TMEM132D: variants seen among roughly 807,000 people sequenced by gnomAD.
TMEM132D encodes transmembrane protein 132D, also known as mature OL transmembrane protein.
Under a neutral mutation model 62.3 loss-of-function variants are expected in TMEM132D, and 21 were observed. That is an observed-to-expected ratio of 0.34 (90% CI 0.24 to 0.49). TMEM132D has a LOEUF of 0.49. TMEM132D is among the 20% of genes least tolerant of loss of function. The pLI is 0.99. For missense variants in TMEM132D, 1,346 were observed against 1,402.8 expected (o/e 0.96, Z 0.65); for synonymous variants, 621 against 575.6 (o/e 1.08, Z -1.13).
Position 129,644,791 on chromosome 12 carries a change from A to G in TMEM132D, c.968+55019T>C, listed in dbSNP as rs189357336. 2.1e-3 allele frequency among the ~76,000 whole-genome samples: 320 copies of G among 150,660 alleles called. 3 individuals are homozygous for G. The highest frequency in any genetic ancestry group is 7.5e-3 in the African/African-American group (309 of 41,026). On this transcript the variant is annotated intron_variant, in intron 2 of 8. Transcript: ENST00000422113. ...CAGGAGATCACGACCATCCTGGCTAACATGGTGAAACCCCATCTCTACTAA... is the reference window on the plus strand; with the variant it reads ...CAGGAGATCACGACCATCCTGGCTAGCATGGTGAAACCCCATCTCTACTAA...
intron 1 of TMEM132D, among the ~76,000 whole-genome samples, chr12:129,710,908 G>A (rs1011035421): frequency 6.6e-5 from 10 of 150,978 alleles, no homozygotes; most frequent in African/African-American, 2.4e-4. Flanking sequence ...GCCTCAGTGC[G>A]CACGCTGCCT....
At chr12:129,811,974 G>C (rs773607015) in intron 1 of TMEM132D, among the ~76,000 whole-genome samples, 1 of 151,740 alleles carries the variant, frequency 6.6e-6, no homozygotes, top group South Asian at 2.1e-4. Context: ...TTTCAACCTC[G>C]TGAGATGCTG....
intron 5 of TMEM132D, among the ~76,000 whole-genome samples, chr12:129,181,242 T>C (rs1242844035): frequency 1.3e-5 from 2 of 152,210 alleles, no homozygotes; most frequent in Non-Finnish European, 2.9e-5. Flanking sequence ...GAAAACAATC[T>C]GAAATTCCTC....
intron 2 of TMEM132D, among the ~76,000 whole-genome samples, chr12:129,676,268 TGTCA>T (rs1030312025): frequency 1.4e-4 from 21 of 151,800 alleles, no homozygotes; most frequent in African/African-American, 3.9e-4. Flanking sequence ...TCTACCTGTC[TGTCA>T]GTCTGTCTGT....
chr12:129,577,439 T>A (rs185685368), intron 2 of TMEM132D, among the ~76,000 whole-genome samples: 1 of 148,580 alleles, frequency 6.7e-6, no homozygotes, highest in African/African-American at 2.5e-5. Flanking sequence ...TATCTATATT[T>A]ATATAAATAA....
At position 129,409,319 on chromosome 12, in the gene TMEM132D, G is replaced by T. The variant is rs11831479; in HGVS notation, c.1116-71502C>A. 3.9e-5 allele frequency among the ~76,000 whole-genome samples: 6 copies of T among 152,094 alleles called. No individual in the cohort carries two copies. The South Asian group carries it at 1.0e-3, about 26-fold the overall frequency. On this transcript the variant is annotated intron_variant, in intron 3 of 8. Coordinates refer to ENST00000422113, the MANE Select transcript of TMEM132D (RefSeq NM_133448.3). Reference sequence around the variant, plus strand: ...CAGGTCTCTCCTGGGACAAAAGAAAGGCATAAAGCTAAGGTAAAAATCTGT... The same window carrying T: ...CAGGTCTCTCCTGGGACAAAAGAAATGCATAAAGCTAAGGTAAAAATCTGT...
At chr12:129,337,441 G>GCGCACA (rs56091765) in intron 4 of TMEM132D, among the ~76,000 whole-genome samples, 193 bp downstream of exon 4, 2,530 of 148,220 alleles carry the variant, frequency 0.017, 34 homozygotes, top group Middle Eastern at 0.062. Flanking sequence ...ATACACACAC[G>GCGCACA]CACACACACA....
At chr12:129,076,433 C>T (rs1466433509) in intron 8 of TMEM132D, among the ~76,000 whole-genome samples, 2 of 152,054 alleles carry the variant, frequency 1.3e-5, no homozygotes, top group Admixed American at 6.6e-5. Context: ...ACCTACTGGC[C>T]CCTGACCATG....
In TMEM132D at chr12:129,716,972, G is replaced by A. The variant is rs540369891; in HGVS notation, c.80-16274C>T. Among the ~76,000 whole-genome samples, 181 of 152,174 alleles carry A rather than the reference G, an allele frequency of 1.2e-3. 2 individuals carry two copies. Among genetic ancestry groups the A allele is most frequent in the Non-Finnish European group, 3.7e-4 (25 of 68,036 alleles). On this transcript the variant is annotated intron_variant, in intron 1 of 8. Transcript: ENST00000422113. ...TAGAAATGGTGCAGGCCAACGCTGA[G>A]GTGGAGTTGTGCCAGGCCTGTGGCT...
chr12:129,339,964 C>G (rs150828231), intron 3 of TMEM132D, among the ~76,000 whole-genome samples: 6 of 152,296 alleles, frequency 3.9e-5, no homozygotes, highest in African/African-American at 1.4e-4. Context: ...CAATCCTTGC[C>G]CGCAGTAGAA....
chr12:129,180,464 A>G (rs1878034959), intron 5 of TMEM132D, among the ~76,000 whole-genome samples: 1 of 152,140 alleles, frequency 6.6e-6, no homozygotes, highest in Non-Finnish European at 1.5e-5. Context: ...GTTTTGTTCA[A>G]TGTTACCTAC....
chr12:129,209,419 A>ACCCAGAGGT (rs377103313), intron 5 of TMEM132D, 101 bp downstream of exon 5: 18 of 1,445,842 alleles, frequency 1.2e-5, no homozygotes, highest in African/African-American at 4.2e-5. Flanking sequence ...ATCCTGTGGG[A>ACCCAGAGGT]CCCAGAGGTC....
chr12:129,531,264 G>A, intron 2 of TMEM132D, 59 bp from the exon 3 acceptor site: 1 of 1,522,120 alleles, frequency 6.6e-7, no homozygotes, highest in East Asian at 2.3e-5. Flanking sequence ...GGGTCATGCT[G>A]GTTCTGGGAA....
intron 2 of TMEM132D, among the ~76,000 whole-genome samples, chr12:129,562,606 T>C (rs1276166453): frequency 6.6e-6 from 1 of 152,154 alleles, no homozygotes; most frequent in Non-Finnish European, 1.5e-5. Context: ...CCTTGGATCA[T>C]AATGTCTCTG....
At chr12:129,327,038 C>T (rs539789252) in intron 4 of TMEM132D, among the ~76,000 whole-genome samples, 8 of 152,240 alleles carry the variant, frequency 5.3e-5, no homozygotes, top group Non-Finnish European at 1.0e-4. Context: ...ACAACCCAAA[C>T]ATCATAACCG....
chr12:129,315,101 T>C (rs758623937), intron 4 of TMEM132D, among the ~76,000 whole-genome samples: 16 of 152,144 alleles, frequency 1.1e-4, no homozygotes, highest in Non-Finnish European at 1.9e-4. Context: ...CAATGACAAT[T>C]TGACTTCCTT....
intron 2 of TMEM132D, among the ~76,000 whole-genome samples, chr12:129,533,978 C>T (rs576923425): frequency 3.3e-5 from 5 of 152,142 alleles, no homozygotes; most frequent in African/African-American, 9.7e-5. Flanking sequence ...TTACTGAACA[C>T]GGTGTGTGTT....
chr12:129,107,191 G>A (rs1389442138), intron 5 of TMEM132D, among the ~76,000 whole-genome samples: 1 of 152,136 alleles, frequency 6.6e-6, no homozygotes, highest in South Asian at 2.1e-4. Context: ...ACCATAACAA[G>A]AGAAAAACAA....
chr12:129,780,863 G>T (rs1362789859), intron 1 of TMEM132D, among the ~76,000 whole-genome samples: 2 of 152,118 alleles, frequency 1.3e-5, no homozygotes, highest in Non-Finnish European at 2.9e-5. Context: ...CATGTTTCTG[G>T]GGAGACAGCT....
Sources: allele counts gnomAD v4.1 joint callset (sites outside exome capture counted in the v4.1 genomes callset), GRCh38; gene constraint gnomAD v4.1.1; transcripts MANE v1.5; gene names NCBI Gene and HGNC (gene_info 2026-07-23, HGNC 2026-07-21).